Variants in UST observed in about 807,000 individuals in gnomAD.
The protein encoded by UST is uronyl 2-sulfotransferase.
Under a neutral mutation model 45.6 loss-of-function variants are expected in UST, and 21 were observed. That is an observed-to-expected ratio of 0.46 (90% CI 0.33 to 0.66). The LOEUF (loss-of-function observed/expected upper bound fraction) is 0.66, where lower values mean the gene tolerates loss of function less well. UST is among the 30% of genes least tolerant of loss of function. The pLI, the probability that UST is intolerant of heterozygous loss-of-function variation, is 0.02. For synonymous variants in UST, 215 were observed against 200.6 expected (o/e 1.07, Z -0.61); for missense variants, 463 against 512.4 (o/e 0.90, Z 0.93).
intron 1 of UST, 66 bp from the exon 2 acceptor site, chr6:148,886,920 A>G (rs1021810862): frequency 1.5e-6 from 2 of 1,331,778 alleles, no homozygotes; most frequent in African/African-American, 2.9e-5. Flanking sequence ...TATCTTCAAT[A>G]ACTTTGCACT....
chr6:148,998,849 TA>T (rs2115000739), intron 5 of UST, among the ~76,000 whole-genome samples: 1 of 152,346 alleles, frequency 6.6e-6, no homozygotes, highest in African/African-American at 2.4e-5. Flanking sequence ...GCAAGCAGCA[TA>T]GCACTGCAGC....
intron 1 of UST, among the ~76,000 whole-genome samples, chr6:148,785,150 G>A (rs978798598): frequency 1.3e-5 from 2 of 151,244 alleles, no homozygotes; most frequent in East Asian, 1.9e-4. Flanking sequence ...GCAGTGAGCC[G>A]AGACTGAGCC....
At chr6:149,058,835 C>T (rs1035470797) in intron 7 of UST, among the ~76,000 whole-genome samples, 1 of 152,110 alleles carries the variant, frequency 6.6e-6, no homozygotes, top group Non-Finnish European at 1.5e-5. Flanking sequence ...ATAAATCCTT[C>T]TTTTATTGCC....
intron 7 of UST, among the ~76,000 whole-genome samples, chr6:149,041,964 A>G (rs1278732929): frequency 6.6e-6 from 1 of 152,226 alleles, no homozygotes; most frequent in African/African-American, 2.4e-5. Context: ...TTCCCAGGGG[A>G]ATTTCTAATA....
intron 7 of UST, among the ~76,000 whole-genome samples, chr6:149,027,083 T>TC (rs1215455600): frequency 2.6e-5 from 4 of 152,152 alleles, no homozygotes; most frequent in African/African-American, 9.7e-5. Context: ...TTTTTTTTTT[T>TC]ACTATGCATG....
At chr6:149,006,230 T>A (rs60393673) in intron 5 of UST, among the ~76,000 whole-genome samples, 4,610 of 152,252 alleles carry the variant, frequency 0.03, 222 homozygotes, top group African/African-American at 0.11. Flanking sequence ...TTTATCTTGA[T>A]GCTCTCCCTC....
At chr6:148,895,740 T>A (rs73602972) in intron 2 of UST, among the ~76,000 whole-genome samples, 1 of 152,208 alleles carries the variant, frequency 6.6e-6, no homozygotes, top group Non-Finnish European at 1.5e-5. Flanking sequence ...CCATGTGAGA[T>A]GTGCCTTTCA....
At chr6:149,029,912 T>TG (rs1776114870) in intron 7 of UST, among the ~76,000 whole-genome samples, 1 of 143,970 alleles carries the variant, frequency 6.9e-6, no homozygotes, top group Admixed American at 7.2e-5. Context: ...GTGTGTGTGG[T>TG]GTGTGCACCT....
intron 7 of UST, among the ~76,000 whole-genome samples, chr6:149,069,902 A>G (rs936448293): frequency 1.3e-5 from 2 of 152,230 alleles, no homozygotes; most frequent in African/African-American, 2.4e-5. Context: ...TTTGTAGTCA[A>G]GGTATTTATA....
At position 149,069,749 on chromosome 6, in the gene UST, T is replaced by C. The variant is rs532511533; in HGVS notation, c.938-4084T>C. Among the ~76,000 whole-genome samples the C allele has an allele frequency of 1.6e-4, 24 of 152,374 alleles. No individual in the cohort carries two copies. In the South Asian group the frequency reaches 2.9e-3, roughly 18 times the overall value. ...AGAAATGTATAAACCCATTATGCTG[T>C]AACTTTAAAGAATATTCCCAAAGTT... On this transcript the variant is annotated intron_variant, in intron 7 of 7. Coordinates refer to ENST00000367463, the MANE Select transcript of UST (RefSeq NM_005715.3).
At chr6:148,929,452 C>G (rs1417088556) in intron 2 of UST, among the ~76,000 whole-genome samples, 1 of 152,072 alleles carries the variant, frequency 6.6e-6, no homozygotes, top group Non-Finnish European at 1.5e-5. Context: ...TCTTCTTGCC[C>G]CAGACTTTGT....
At chr6:148,861,883 T>G (rs908767908) in intron 1 of UST, among the ~76,000 whole-genome samples, 1 of 152,238 alleles carries the variant, frequency 6.6e-6, no homozygotes, top group Admixed American at 6.5e-5. Context: ...TGATTTCTGT[T>G]CTTTTACATT....
chr6:148,775,876 C>A (rs1287131875), intron 1 of UST, among the ~76,000 whole-genome samples: 1 of 152,100 alleles, frequency 6.6e-6, no homozygotes, highest in East Asian at 1.9e-4. Context: ...AGGAAATCTG[C>A]CCGCCTCAGC....
At chr6:148,981,880 G>A (rs956155088) in intron 5 of UST, among the ~76,000 whole-genome samples, 1 of 152,158 alleles carries the variant, frequency 6.6e-6, no homozygotes, top group African/African-American at 2.4e-5. Flanking sequence ...TTGTGCTGCT[G>A]TAACAAAATA....
At chr6:148,853,771 G>A (rs1438639603) in intron 1 of UST, among the ~76,000 whole-genome samples, 1 of 152,152 alleles carries the variant, frequency 6.6e-6, no homozygotes, top group Non-Finnish European at 1.5e-5. Context: ...CTTTTGAGAA[G>A]TGTCTGTTCA....
intron 7 of UST, among the ~76,000 whole-genome samples, chr6:149,028,560 C>G (rs1776084966): frequency 6.6e-6 from 1 of 152,212 alleles, no homozygotes; most frequent in Non-Finnish European, 1.5e-5. Flanking sequence ...ACAAGGAAAT[C>G]TCATGCCTTT....
At chr6:148,763,573 A>G (rs1428184216) in intron 1 of UST, among the ~76,000 whole-genome samples, 1 of 152,096 alleles carries the variant, frequency 6.6e-6, no homozygotes, top group Non-Finnish European at 1.5e-5. Flanking sequence ...TTCTTTGCCC[A>G]GGCCAATGTT....
chr6:149,011,646 A>T (rs1286620569), intron 5 of UST, among the ~76,000 whole-genome samples: 1 of 152,132 alleles, frequency 6.6e-6, no homozygotes, highest in African/African-American at 2.4e-5. Context: ...CGCTGTCTCT[A>T]CTAAAAATAC....
chr6:149,026,517 T>G (rs893300269), intron 7 of UST, among the ~76,000 whole-genome samples: 1 of 152,208 alleles, frequency 6.6e-6, no homozygotes, highest in Non-Finnish European at 1.5e-5. Flanking sequence ...TTTCTAGTCA[T>G]AATTTTTAGG....
Sources: gnomAD v4.1 joint callset for allele counts (sites outside exome capture counted in the v4.1 genomes callset) on GRCh38, gnomAD v4.1.1 for gene constraint, MANE v1.5 for transcripts, NCBI Gene and HGNC (gene_info 2026-07-23, HGNC 2026-07-21) for gene names.